Variants in KAT6A observed in about 807,000 individuals in gnomAD.
KAT6A encodes lysine acetyltransferase 6A.
Under a neutral mutation model 198.4 loss-of-function variants are expected in KAT6A, and 9 were observed. The ratio of observed to expected loss-of-function variants is 0.05; its 90% CI spans 0.03 to 0.08. The LOEUF (loss-of-function observed/expected upper bound fraction) is 0.08, where lower values mean the gene tolerates loss of function less well. Among genes scored for constraint, KAT6A ranks in the 10% least tolerant of loss-of-function variants. The pLI, the probability that KAT6A is intolerant of heterozygous loss-of-function variation, is 1.00. For missense variants in KAT6A, 2,077 were observed against 2,509.9 expected (o/e 0.83, Z 3.69); for synonymous variants, 890 against 883.0 (o/e 1.01, Z -0.14).
intron 8 of KAT6A, among the ~76,000 whole-genome samples, chr8:41,964,217 A>C (rs1823345344): frequency 6.6e-6 from 1 of 152,136 alleles, no homozygotes; most frequent in Admixed American, 6.6e-5. Flanking sequence ...CAATCCTTCT[A>C]ATGTTTCCAT....
At position 41,932,857 on chromosome 8, in the gene KAT6A, T is replaced by C. The variant is rs375611215; in HGVS notation, c.5363A>G (p.Asn1788Ser). 16 of 1,613,944 alleles carry C rather than the reference T, an allele frequency of 9.9e-6. No homozygotes were observed. Among genetic ancestry groups the C allele is most frequent in the African/African-American group, 1.3e-5 (1 of 74,880 alleles). The part of the protein sequence containing the change: ...TSYATSVSLS[N>S]TGLAQLAPSH... ...TGGAGCCAGCTGAGCCAGTCCTGTA[T>C]TGGACAGAGAAACACTGGTTGCATA... Residue 1788 changes from asparagine to serine, a missense_variant, in exon 17 of 17, where the codon AAT becomes AGT. Physicochemically the swap from Asn to Ser is conservative, Grantham distance 46. Transcript: ENST00000265713.
chr8:41,940,940 G>T lies in KAT6A; in HGVS notation c.2941C>A (p.Leu981Ile). The T allele has an allele frequency of 6.2e-7, 1 of 1,614,204 alleles. No homozygotes were observed. The highest frequency in any genetic ancestry group is 8.5e-7 in the Non-Finnish European group (1 of 1,180,040). ...TCGCTGCTCTCACTGAAGCCCCTGAGGACAGCCCTGTCACCCTCACTGTAG... is the reference window on the plus strand; with the variant it reads ...TCGCTGCTCTCACTGAAGCCCCTGATGACAGCCCTGTCACCCTCACTGTAG... Reference protein sequence around the residue: ...RRYSEGDRAVLRGFSESSEEE... With the variant: ...RRYSEGDRAVIRGFSESSEEE... The change falls in exon 15 of 17, where the codon CTC (leucine) becomes ATC (isoleucine). Residue 981 changes from leucine (L) to isoleucine (I), a missense_variant. Leu to Ile is a conservative substitution (Grantham distance 5). This residue lies in a region of KAT6A where 301 missense variants were observed against 272.2 expected (regional missense o/e 1.11). Coordinates refer to ENST00000265713, the MANE Select transcript of KAT6A (RefSeq NM_006766.5).
chr8:42,033,967 G>T (rs1014376578), intron 2 of KAT6A, among the ~76,000 whole-genome samples: 1 of 152,174 alleles, frequency 6.6e-6, no homozygotes, highest in Non-Finnish European at 1.5e-5. Flanking sequence ...TATGATGCAA[G>T]TGTGTACGGA....
chr8:41,960,611 T>C (rs1347665630), intron 8 of KAT6A, among the ~76,000 whole-genome samples: 2 of 152,140 alleles, frequency 1.3e-5, no homozygotes. Flanking sequence ...AATTTCAGGA[T>C]TCTGGATATT....
chr8:42,013,682 G>A (rs60625892), intron 2 of KAT6A, among the ~76,000 whole-genome samples: 1,807 of 152,232 alleles, frequency 0.012, 33 homozygotes, highest in African/African-American at 0.042. Context: ...ATTCAAAACT[G>A]TCCTTGATAT....
Position 41,943,817 on chromosome 8 carries a change from G to C in KAT6A, c.2159C>G (p.Thr720Ser). The change falls in exon 13 of 17, where the codon ACT (threonine) becomes AGT (serine). Residue 720 changes from threonine to serine, a missense_variant. Physicochemically the swap from Thr to Ser is moderately conservative, Grantham distance 58. Coordinates refer to ENST00000265713, the MANE Select transcript of KAT6A (RefSeq NM_006766.5). ...AGTGATGTCTTGAGGGCAGATTCCAGTCAACTTGCTTAACTTCTTAATGCT... is the reference window on the plus strand; with the variant it reads ...AGTGATGTCTTGAGGGCAGATTCCACTCAACTTGCTTAACTTCTTAATGCT... The part of the protein sequence containing the change: ...QISIKKLSKL[T>S]GICPQDITST... The C allele has an allele frequency of 6.2e-7, 1 of 1,613,906 alleles. No homozygotes were observed. The highest frequency in any genetic ancestry group is 8.5e-7 in the Non-Finnish European group (1 of 1,179,978).
At chr8:42,038,011 G>A (rs1266302975) in intron 2 of KAT6A, among the ~76,000 whole-genome samples, 1 of 152,144 alleles carries the variant, frequency 6.6e-6, no homozygotes, top group East Asian at 1.9e-4. Context: ...AGAAGTGCTA[G>A]ACTATACACT....
chr8:41,943,939 T>A lies in KAT6A; in HGVS notation c.2037A>T (p.Pro679=). 1 of 1,614,048 alleles carries A rather than the reference T, an allele frequency of 6.2e-7. No homozygotes were observed. The highest frequency in any genetic ancestry group is 1.3e-5 in the African/African-American group (1 of 75,014). ...LSKREGQAGS[P]EKPLSDLGRL... ...GACCCAGATCAGATAACGGTTTCTC[T>A]GGAGACCCTGCTTGGCCTTCACGCT... is the stretch of plus-strand genomic sequence containing the variant. Residue 679 remains proline (P), a synonymous_variant, in exon 13 of 17, where the codon CCA becomes CCT. Coordinates refer to ENST00000265713, the MANE Select transcript of KAT6A (RefSeq NM_006766.5).
At chr8:41,995,604 T>C (rs1825158646) in intron 2 of KAT6A, among the ~76,000 whole-genome samples, 1 of 151,988 alleles carries the variant, frequency 6.6e-6, no homozygotes, top group Non-Finnish European at 1.5e-5. Context: ...ATATCTTAAA[T>C]AATGACATTT....
At chr8:41,975,228 A>G (rs982906976) in intron 7 of KAT6A, among the ~76,000 whole-genome samples, 2 of 152,196 alleles carry the variant, frequency 1.3e-5, no homozygotes, top group African/African-American at 4.8e-5. Flanking sequence ...TGTCAGCAGT[A>G]CTAACTCCCA....
chr8:41,963,041 C>T (rs940556158), intron 8 of KAT6A, among the ~76,000 whole-genome samples: 4 of 152,132 alleles, frequency 2.6e-5, no homozygotes, highest in African/African-American at 9.7e-5. Flanking sequence ...TCCTCCCCTG[C>T]TTTTTCTCCA....
intron 2 of KAT6A, among the ~76,000 whole-genome samples, chr8:41,997,440 A>G (rs1825273714): frequency 6.6e-6 from 1 of 152,208 alleles, no homozygotes; most frequent in Non-Finnish European, 1.5e-5. Flanking sequence ...ACTAATAACA[A>G]TTATATTTGG....
At chr8:41,959,207 AAAG>A (rs1048190743) in intron 8 of KAT6A, among the ~76,000 whole-genome samples, 1 of 152,018 alleles carries the variant, frequency 6.6e-6, no homozygotes, top group African/African-American at 2.4e-5. Context: ...TCCATTCTCC[AAAG>A]AAGATATACA....
intron 8 of KAT6A, chr8:41,956,899 A>C: frequency 2.6e-6 from 1 of 392,062 alleles, no homozygotes; most frequent in Non-Finnish European, 5.1e-6. Flanking sequence ...AACTACTCTA[A>C]CTCATAAAGT....
chr8:41,960,863 C>T (rs1014865909), intron 8 of KAT6A, among the ~76,000 whole-genome samples: 7 of 152,144 alleles, frequency 4.6e-5, no homozygotes, highest in African/African-American at 1.7e-4. Flanking sequence ...CCTGTAATTC[C>T]ACCCTTTGCA....
intron 2 of KAT6A, among the ~76,000 whole-genome samples, chr8:42,030,431 C>T (rs1289690723): frequency 6.6e-6 from 1 of 152,286 alleles, no homozygotes; most frequent in East Asian, 1.9e-4. Flanking sequence ...CTCTTAAATG[C>T]TGCATTCAAA....
At chr8:41,992,199 A>T (rs1824981612) in intron 2 of KAT6A, among the ~76,000 whole-genome samples, 1 of 147,910 alleles carries the variant, frequency 6.8e-6, no homozygotes, top group Admixed American at 6.8e-5. Context: ...GACTGTCTTT[A>T]AAAAAAAAAG....
intron 3 of KAT6A, among the ~76,000 whole-genome samples, chr8:41,983,983 T>C (rs1824484089): frequency 6.6e-6 from 1 of 152,276 alleles, no homozygotes; most frequent in Non-Finnish European, 1.5e-5. Flanking sequence ...ACATGTTCTT[T>C]ATACTTATAT....
chr8:41,931,378 G>C lies in KAT6A; in HGVS notation c.*827C>G, dbSNP rs1171664036. The C allele has an allele frequency of 9.3e-6, 2 of 214,670 alleles. No homozygotes were observed. Among genetic ancestry groups the C allele is most frequent in the Non-Finnish European group, 1.9e-5 (2 of 106,116 alleles). 13.3% of individuals were successfully genotyped at this position (214,670 alleles called of 1,614,324 possible). ...TCTATTCCTCCAAAGGCTGGATTTG[G>C]ATTGCAAACAGCTTTTCTCTGAGAT... On this transcript the variant is annotated 3_prime_UTR_variant, in exon 17 of 17. Transcript: ENST00000265713.
Sources: allele counts gnomAD v4.1 joint callset (sites outside exome capture counted in the v4.1 genomes callset), GRCh38; gene constraint gnomAD v4.1.1; regional missense constraint gnomAD v4.1.1; transcripts MANE v1.5; gene names NCBI Gene and HGNC (gene_info 2026-07-23, HGNC 2026-07-21).